The following MYO1D variants were observed in gnomAD, a reference collection of about 807,000 sequenced individuals.
MYO1D encodes the protein unconventional myosin-Id.
MYO1D carries 83 observed loss-of-function variants against 122.0 expected under a neutral mutation model. The observed-to-expected ratio is 0.68, with a 90% CI of 0.57 to 0.82. The LOEUF (loss-of-function observed/expected upper bound fraction) is 0.82, where lower values mean the gene tolerates loss of function less well. MYO1D is among the 40% of genes least tolerant of loss of function. MYO1D has a pLI of 0.00. For missense variants in MYO1D, 1,157 were observed against 1,269.5 expected, an observed-to-expected ratio of 0.91 and a Z score of 1.35; for synonymous variants, 464 against 446.9, an observed-to-expected ratio of 1.04 and a Z score of -0.48.
chr17:32,764,270 C>T (rs1429034800), intron 8 of MYO1D, among the ~76,000 whole-genome samples: 3 of 151,956 alleles, frequency 2.0e-5, no homozygotes, highest in East Asian at 1.9e-4. Flanking sequence ...GCTAGAGGAG[C>T]GGGGTGGATG....
At chr17:32,545,282 G>C (rs907582962) in intron 21 of MYO1D, among the ~76,000 whole-genome samples, 2 of 152,148 alleles carry the variant, frequency 1.3e-5, no homozygotes, top group African/African-American at 4.8e-5. Flanking sequence ...TAAAAAATGG[G>C]AGCAATGCTC....
At chr17:32,827,678 C>A (rs2090735176) in intron 1 of MYO1D, among the ~76,000 whole-genome samples, 1 of 151,852 alleles carries the variant, frequency 6.6e-6, no homozygotes, top group Non-Finnish European at 1.5e-5. Flanking sequence ...TGAACACCCC[C>A]CAAAAAGGAA....
chr17:32,866,096 A>G (rs2091122114), intron 1 of MYO1D, among the ~76,000 whole-genome samples: 1 of 152,178 alleles, frequency 6.6e-6, no homozygotes, highest in Non-Finnish European at 1.5e-5. Context: ...GCGTGACCAT[A>G]GTGTCAAACC....
chr17:32,692,391 G>A (rs1042499438), intron 16 of MYO1D, among the ~76,000 whole-genome samples: 1 of 152,040 alleles, frequency 6.6e-6, no homozygotes, highest in Admixed American at 6.5e-5. Context: ...TACCTAACTT[G>A]GTAAACAGGA....
At chr17:32,688,407 G>C (rs1266623070) in intron 16 of MYO1D, among the ~76,000 whole-genome samples, 1 of 152,156 alleles carries the variant, frequency 6.6e-6, no homozygotes, top group African/African-American at 2.4e-5. Context: ...ACTAACAGCA[G>C]GCACATTGTT....
chr17:32,784,812 AGGAAGATACTGTGG>A (rs1463268850), intron 1 of MYO1D, among the ~76,000 whole-genome samples: 9 of 152,246 alleles, frequency 5.9e-5, no homozygotes, highest in Non-Finnish European at 1.2e-4. Context: ...CCCACAGAAA[AGGAAGATACTGTGG>A]GGAGGGGTGG....
intron 21 of MYO1D, among the ~76,000 whole-genome samples, chr17:32,539,746 C>A (rs539639092): frequency 6.6e-6 from 1 of 152,158 alleles, no homozygotes; most frequent in East Asian, 1.9e-4. Flanking sequence ...CTGCAAAGAG[C>A]CTTTTTCCAA....
At chr17:32,723,060 C>T (rs1187560021) in intron 14 of MYO1D, among the ~76,000 whole-genome samples, 1 of 152,150 alleles carries the variant, frequency 6.6e-6, no homozygotes, top group Admixed American at 6.5e-5. Context: ...AACCTCAGGA[C>T]GCTGAGCCTC....
intron 21 of MYO1D, chr17:32,519,146 C>G (rs1910008196): frequency 6.6e-6 from 1 of 152,464 alleles, no homozygotes; most frequent in African/African-American, 2.4e-5. Context: ...GTCATGTCTC[C>G]TAGCTCTGCT....
intron 21 of MYO1D, among the ~76,000 whole-genome samples, chr17:32,575,799 C>A (rs1176245155): frequency 6.6e-6 from 1 of 152,190 alleles, no homozygotes; most frequent in Non-Finnish European, 1.5e-5. Flanking sequence ...TCCAGAATTA[C>A]CAAGATGATT....
intron 11 of MYO1D, among the ~76,000 whole-genome samples, chr17:32,754,603 GA>G (rs2089928531): frequency 6.6e-6 from 1 of 152,178 alleles, no homozygotes. Flanking sequence ...TTAGAAAATA[GA>G]CTTTATTCAC....
chr17:32,572,996 A>G (rs1368908556), intron 21 of MYO1D, among the ~76,000 whole-genome samples: 1 of 152,082 alleles, frequency 6.6e-6, no homozygotes, highest in Non-Finnish European at 1.5e-5. Flanking sequence ...TTTCTAGAAT[A>G]AGAGCCCTTT....
At chr17:32,505,694 C>G (rs1181516111) in intron 21 of MYO1D, 2 of 152,346 alleles carry the variant, frequency 1.3e-5, no homozygotes, top group East Asian at 3.9e-4. Context: ...ACAGAAACCT[C>G]ACACTTTCCT....
chr17:32,782,795 CGTG>C (rs2090253230), intron 1 of MYO1D, among the ~76,000 whole-genome samples: 1 of 152,012 alleles, frequency 6.6e-6, no homozygotes, highest in African/African-American at 2.4e-5. Context: ...ATTAGCTCGG[CGTG>C]GTGGTGCACA....
At chr17:32,512,571 T>G (rs1909733454) in intron 21 of MYO1D, among the ~76,000 whole-genome samples, 1 of 152,196 alleles carries the variant, frequency 6.6e-6, no homozygotes, top group Non-Finnish European at 1.5e-5. Context: ...GGCTTTGCTA[T>G]GCACATGCAT....
At chr17:32,546,109 C>T (rs1051166463) in intron 21 of MYO1D, among the ~76,000 whole-genome samples, 7 of 152,164 alleles carry the variant, frequency 4.6e-5, no homozygotes, top group African/African-American at 1.7e-4. Flanking sequence ...TCCCTTCACA[C>T]ACCCGCCCTG....
intron 1 of MYO1D, among the ~76,000 whole-genome samples, chr17:32,816,449 C>T (rs2090614431): frequency 6.6e-6 from 1 of 152,162 alleles, no homozygotes; most frequent in Non-Finnish European, 1.5e-5. Context: ...ATGTTATTTA[C>T]TTTTCGTCTT....
intron 21 of MYO1D, among the ~76,000 whole-genome samples, chr17:32,554,774 C>T (rs2087053735): frequency 1.3e-5 from 2 of 152,240 alleles, no homozygotes; most frequent in East Asian, 1.9e-4. Context: ...CCATGAAACA[C>T]GTACAAATCA....
intron 1 of MYO1D, among the ~76,000 whole-genome samples, chr17:32,874,239 C>G (rs2091207339): frequency 6.7e-6 from 1 of 148,658 alleles, no homozygotes. Flanking sequence ...TCTTCTCTTT[C>G]TTTTCCTTTC....
Sources: allele counts gnomAD v4.1 joint callset (sites outside exome capture counted in the v4.1 genomes callset), GRCh38; gene constraint gnomAD v4.1.1; transcripts MANE v1.5; gene names NCBI Gene and HGNC (gene_info 2026-07-23, HGNC 2026-07-21).